NGEF: variants seen among roughly 807,000 people sequenced by gnomAD.
NGEF encodes the protein ephexin-1.
NGEF carries 31 observed loss-of-function variants against 80.9 expected under a neutral mutation model. The observed-to-expected ratio is 0.38, with a 90% CI of 0.29 to 0.52. The LOEUF is 0.52. NGEF is among the 20% of genes least tolerant of loss of function. The pLI, the probability that NGEF is intolerant of heterozygous loss-of-function variation, is 0.84. For synonymous variants in NGEF, 371 were observed against 370.2 expected, an observed-to-expected ratio of 1.00 and a Z score of -0.03; for missense variants, 709 against 926.2, an observed-to-expected ratio of 0.77 and a Z score of 3.04.
In NGEF at chr2:232,887,916, A is replaced by C. The variant is rs976696554; in HGVS notation, c.1347+117T>G. 1.9e-5 allele frequency: 15 copies of C among 806,450 alleles called. No homozygotes were observed. In the African/African-American group the frequency reaches 2.6e-4, roughly 14 times the overall value. The allele number at this position is 806,450 out of a possible 1,614,324, so 50.0% of individuals were successfully genotyped here. On this transcript the variant is annotated intron_variant, in intron 9 of 14. Transcript: ENST00000264051. ...TTTTGATTGCAAAAGTGAATTTTAAAATAAATTTGCATATTCTAAAAAGAC... is the reference window on the plus strand; with the variant it reads ...TTTTGATTGCAAAAGTGAATTTTAACATAAATTTGCATATTCTAAAAAGAC...
At chr2:232,959,915 G>A (rs904499821) in intron 3 of NGEF, among the ~76,000 whole-genome samples, 2 of 152,212 alleles carry the variant, frequency 1.3e-5, no homozygotes, top group African/African-American at 4.8e-5. Context: ...ATGGATGATA[G>A]TCACAATGTT....
chr2:232,937,873 T>A (rs919451607), intron 3 of NGEF, among the ~76,000 whole-genome samples: 3 of 152,078 alleles, frequency 2.0e-5, no homozygotes, highest in Admixed American at 1.3e-4. Context: ...TTGGGGGAGG[T>A]AACTAGTTAT....
intron 4 of NGEF, among the ~76,000 whole-genome samples, chr2:232,921,137 G>T (rs569563064): frequency 1.6e-4 from 25 of 152,262 alleles, no homozygotes; most frequent in Middle Eastern, 6.8e-3. Flanking sequence ...AACTGTACTT[G>T]CAATGAATGC....
intron 5 of NGEF, among the ~76,000 whole-genome samples, chr2:232,900,783 C>A (rs1180195474): frequency 2.0e-4 from 30 of 151,460 alleles, no homozygotes; most frequent in African/African-American, 6.5e-4. Context: ...CACACTCATG[C>A]ACACATTCAC....
chr2:232,963,039 T>C (rs989569666), intron 3 of NGEF, among the ~76,000 whole-genome samples: 7 of 151,904 alleles, frequency 4.6e-5, no homozygotes, highest in African/African-American at 1.7e-4. Flanking sequence ...TGGTAGAAAT[T>C]GACAAACCGA....
rs1694565690 is a variant in NGEF, at chr2:232,987,932, C to G, written c.-74-12968G>C. On this transcript the variant is annotated intron_variant, in intron 1 of 14. Transcript: ENST00000264051. ...GGGTTGGGGACTGCCCACATGGCCA[C>G]TGGGCCAAGCAATAGGAGACCCAAG... is the stretch of plus-strand genomic sequence containing the variant. Among the ~76,000 whole-genome samples the G allele has an allele frequency of 2.0e-5, 3 of 152,126 alleles. No individual in the cohort carries two copies. In the South Asian group the frequency reaches 6.2e-4, roughly 31 times the overall value.
Position 232,884,195 on chromosome 2 carries a change from C to T in NGEF, c.1438-51G>A, listed in dbSNP as rs541650938. The T allele has an allele frequency of 8.6e-5, 129 of 1,500,546 alleles. 1 individual carries two copies. The South Asian group carries it at 1.6e-3, about 19-fold the overall frequency. 93.0% of individuals were successfully genotyped at this position (1,500,546 alleles called of 1,614,324 possible). On this transcript the variant is annotated intron_variant, in intron 10 of 14. Transcript: ENST00000264051. Reference sequence around the variant, plus strand: ...AGGCTGTGCCCACAATGTCCCTCCCCAGGACATGCCCCCAGGGCTGCGTCT... The same window carrying T: ...AGGCTGTGCCCACAATGTCCCTCCCTAGGACATGCCCCCAGGGCTGCGTCT...
chr2:232,932,281 C>T lies in NGEF; in HGVS notation c.384-5095G>A, dbSNP rs571837383. Among the ~76,000 whole-genome samples the T allele has an allele frequency of 4.0e-5, 6 of 150,250 alleles. No individual in the cohort carries two copies. In the East Asian group the frequency reaches 1.2e-3, roughly 30 times the overall value. On this transcript the variant is annotated intron_variant, in intron 3 of 14. Transcript: ENST00000264051. ...CTGGGTTCAAGTGATTCTCCTGTCTCAGCCTCCCAAGTAGCTGGGATTAAA... is the reference window on the plus strand; with the variant it reads ...CTGGGTTCAAGTGATTCTCCTGTCTTAGCCTCCCAAGTAGCTGGGATTAAA...
chr2:232,942,733 G>A lies in NGEF; in HGVS notation c.384-15547C>T, dbSNP rs1013201553. On this transcript the variant is annotated intron_variant, in intron 3 of 14. Coordinates refer to ENST00000264051, the MANE Select transcript of NGEF (RefSeq NM_019850.3). ...CTACTGAAAATACAAAAATTAGCGC[G>A]TGGAGGCGCACGCCTGTCATCCCAG... 6.0e-5 allele frequency among the ~76,000 whole-genome samples: 9 copies of A among 151,186 alleles called. No homozygotes were observed. In the East Asian group the frequency reaches 1.2e-3, roughly 20 times the overall value.
At chr2:232,943,397 A>G (rs577002964) in intron 3 of NGEF, among the ~76,000 whole-genome samples, 2 of 152,174 alleles carry the variant, frequency 1.3e-5, no homozygotes, top group East Asian at 3.9e-4. Flanking sequence ...AAAACTCCTG[A>G]GAATATATCC....
chr2:232,990,736 C>T (rs1694634325), intron 1 of NGEF, among the ~76,000 whole-genome samples: 1 of 151,936 alleles, frequency 6.6e-6, no homozygotes, highest in African/African-American at 2.4e-5. Context: ...GCCTCACAAA[C>T]ATAAAAAATG....
At chr2:232,904,869 G>A (rs922394661) in intron 5 of NGEF, among the ~76,000 whole-genome samples, 5 of 152,150 alleles carry the variant, frequency 3.3e-5, no homozygotes, top group Admixed American at 1.3e-4. Context: ...CTTGAGCCCA[G>A]GAGTTCAAGG....
chr2:232,979,811 T>C (rs1393411565), intron 1 of NGEF, among the ~76,000 whole-genome samples: 1 of 152,164 alleles, frequency 6.6e-6, no homozygotes, highest in Non-Finnish European at 1.5e-5. Flanking sequence ...TTTGGGTCTC[T>C]GTTGTTCCTG....
At chr2:232,939,175 C>CAAAAAA (rs60357492) in intron 3 of NGEF, among the ~76,000 whole-genome samples, 3 of 66,086 alleles carry the variant, frequency 4.5e-5, no homozygotes, top group African/African-American at 6.0e-5. Flanking sequence ...GACTCAGTCT[C>CAAAAAA]AAAAAAAAAA....
intron 1 of NGEF, 142 bp from the exon 2 acceptor site, chr2:232,975,106 A>G (rs1211840495): frequency 1.8e-6 from 1 of 564,588 alleles, no homozygotes; most frequent in Non-Finnish European, 3.1e-6. Context: ...GCCACTGAAA[A>G]TTACAGCTTA....
intron 3 of NGEF, among the ~76,000 whole-genome samples, chr2:232,949,113 A>G (rs1412257512): frequency 6.6e-6 from 1 of 152,224 alleles, no homozygotes; most frequent in Non-Finnish European, 1.5e-5. Flanking sequence ...GATGTCGCAG[A>G]GGCCAAGGGA....
At chr2:232,968,830 T>C (rs1271879298) in intron 3 of NGEF, among the ~76,000 whole-genome samples, 1 of 152,218 alleles carries the variant, frequency 6.6e-6, no homozygotes, top group African/African-American at 2.4e-5. Context: ...GGAATCTCCT[T>C]AAGATCAGGG....
At chr2:232,888,249 CACGCAT>C (rs887666802) in intron 8 of NGEF, 142 bp from the exon 9 acceptor site, 23 of 626,610 alleles carry the variant, frequency 3.7e-5, no homozygotes, top group African/African-American at 2.8e-4. Context: ...CACGCACGCA[CACGCAT>C]ACATGCATGC....
chr2:232,927,978 A>C, intron 3 of NGEF: 1 of 1,257,350 alleles, frequency 8.0e-7, no homozygotes, highest in Non-Finnish European at 1.0e-6. Flanking sequence ...GCGGCGCTGA[A>C]GGCAGCGGCC....
Sources: allele counts gnomAD v4.1 joint callset (sites outside exome capture counted in the v4.1 genomes callset), GRCh38; gene constraint gnomAD v4.1.1; transcripts MANE v1.5; gene names NCBI Gene and HGNC (gene_info 2026-07-23, HGNC 2026-07-21).